Variants in MYO3B observed in about 807,000 individuals in gnomAD.
MYO3B encodes myosin-IIIb.
In MYO3B, 156 loss-of-function variants were observed where a neutral mutation model predicts 174.6. The ratio of observed to expected loss-of-function variants is 0.89; its 90% confidence interval spans 0.78 to 1.02. The LOEUF (loss-of-function observed/expected upper bound fraction) is 1.02. Ranked by LOEUF, MYO3B falls within the 50% of genes least tolerant of loss-of-function variation. The probability of loss-of-function intolerance (pLI) is 0.00; values close to 1 mark genes in which losing one functional copy is unlikely to be tolerated. For synonymous variants in MYO3B, 563 were observed against 569.1 expected (o/e 0.99, Z 0.15); for missense variants, 1,632 against 1,639.4 (o/e 1.00, Z 0.08).
chr2:170,436,006 TC>T (rs2094750717), intron 22 of MYO3B, among the ~76,000 whole-genome samples: 1 of 152,218 alleles, frequency 6.6e-6, no homozygotes, highest in Non-Finnish European at 1.5e-5. Flanking sequence ...TTTTAAAAGT[TC>T]CAGCTCTGTC....
At chr2:170,650,700 T>TTTTG (rs886458096) in intron 32 of MYO3B, among the ~76,000 whole-genome samples, 2 of 115,800 alleles carry the variant, frequency 1.7e-5, no homozygotes, top group East Asian at 2.5e-4. Flanking sequence ...TTTTTTTTTT[T>TTTTG]TGAGATGGAG....
chr2:170,298,574 C>T (rs1250130035), intron 7 of MYO3B, among the ~76,000 whole-genome samples: 2 of 149,764 alleles, frequency 1.3e-5, no homozygotes, highest in Admixed American at 1.4e-4. Flanking sequence ...ACTCAGGAGG[C>T]TGAGACAGAG....
chr2:170,473,549 T>G (rs1685118476), intron 25 of MYO3B, among the ~76,000 whole-genome samples: 1 of 152,200 alleles, frequency 6.6e-6, no homozygotes, highest in African/African-American at 2.4e-5. Flanking sequence ...AGGTTAAGTT[T>G]TCCTTGTACT....
chr2:170,464,105 A>G (rs1382604292), intron 24 of MYO3B, among the ~76,000 whole-genome samples: 1 of 152,148 alleles, frequency 6.6e-6, no homozygotes, highest in East Asian at 1.9e-4. Context: ...TAGTCCCAGC[A>G]TTTTGGGAGG....
At chr2:170,381,215 C>T (rs1574884275) in intron 9 of MYO3B, among the ~76,000 whole-genome samples, 1 of 152,204 alleles carries the variant, frequency 6.6e-6, no homozygotes, top group East Asian at 1.9e-4. Context: ...AAGTATAATA[C>T]TACCCAGTGA....
At chr2:170,465,354 C>G (rs1684557273) in intron 24 of MYO3B, among the ~76,000 whole-genome samples, 1 of 151,950 alleles carries the variant, frequency 6.6e-6, no homozygotes, top group Admixed American at 6.6e-5. Context: ...AGGGGAGATC[C>G]CAGACTCTTT....
chr2:170,335,243 T>C (rs1392135967), intron 7 of MYO3B, 142 bp from the exon 8 acceptor site: 8 of 664,658 alleles, frequency 1.2e-5, no homozygotes, highest in Non-Finnish European at 1.8e-5. Context: ...CACTTTATAA[T>C]CTACCACTAA....
At chr2:170,505,292 A>G (rs1236680400) in intron 28 of MYO3B, among the ~76,000 whole-genome samples, 1 of 152,150 alleles carries the variant, frequency 6.6e-6, no homozygotes, top group Non-Finnish European at 1.5e-5. Context: ...GCAACTCTGC[A>G]TATCACCTTG....
intron 7 of MYO3B, among the ~76,000 whole-genome samples, chr2:170,258,014 A>C (rs554038838): frequency 2.3e-4 from 35 of 152,298 alleles, no homozygotes; most frequent in Middle Eastern, 3.4e-3. Flanking sequence ...AAATTGAATC[A>C]GAAATTAATT....
intron 22 of MYO3B, among the ~76,000 whole-genome samples, chr2:170,435,185 A>G (rs2094743668): frequency 6.6e-6 from 1 of 152,206 alleles, no homozygotes; most frequent in Admixed American, 6.5e-5. Flanking sequence ...AAGCTTTGGC[A>G]ATGTCTTGGA....
At chr2:170,376,626 C>T (rs1249573149) in intron 9 of MYO3B, among the ~76,000 whole-genome samples, 7 of 149,702 alleles carry the variant, frequency 4.7e-5, no homozygotes, top group South Asian at 4.2e-4. Context: ...TGCCTCTATC[C>T]GCAACAAATT....
intron 7 of MYO3B, among the ~76,000 whole-genome samples, chr2:170,287,711 A>C (rs774164058): frequency 6.6e-6 from 1 of 151,958 alleles, no homozygotes; most frequent in Non-Finnish European, 1.5e-5. Context: ...GATTTGCAGA[A>C]GATTTTTAGC....
intron 7 of MYO3B, among the ~76,000 whole-genome samples, chr2:170,258,370 G>T (rs2093320765): frequency 6.6e-6 from 1 of 152,074 alleles, no homozygotes; most frequent in African/African-American, 2.4e-5. Flanking sequence ...ATTACAATCA[G>T]GTAGGCTTTC....
intron 8 of MYO3B, among the ~76,000 whole-genome samples, chr2:170,343,179 AC>A (rs2093990210): frequency 6.6e-6 from 1 of 151,930 alleles, no homozygotes; most frequent in Admixed American, 6.6e-5. Context: ...TAGGCTTACG[AC>A]TGTAATCCTA....
chr2:170,615,433 T>A (rs1449106013), intron 32 of MYO3B, among the ~76,000 whole-genome samples: 1 of 152,210 alleles, frequency 6.6e-6, no homozygotes. Flanking sequence ...AAGAGCTTTC[T>A]AAAGAGGGAA....
chr2:170,380,958 A>G (rs975906595), intron 9 of MYO3B, among the ~76,000 whole-genome samples: 3 of 152,218 alleles, frequency 2.0e-5, no homozygotes, highest in African/African-American at 7.2e-5. Context: ...TCTACAAAAA[A>G]TAATTTTAAA....
chr2:170,634,769 A>T (rs1280496310), intron 32 of MYO3B, among the ~76,000 whole-genome samples: 1 of 152,252 alleles, frequency 6.6e-6, no homozygotes, highest in East Asian at 1.9e-4. Flanking sequence ...AAACAAATTT[A>T]CAAGAAAAAA....
intron 27 of MYO3B, 56 bp from the exon 28 acceptor site, chr2:170,501,729 T>C: frequency 8.1e-7 from 1 of 1,228,086 alleles, no homozygotes; most frequent in Middle Eastern, 1.9e-4. Flanking sequence ...TTATATCAAT[T>C]CTCTGGCACG....
intron 25 of MYO3B, among the ~76,000 whole-genome samples, chr2:170,479,408 A>T (rs2106005889): frequency 6.8e-6 from 1 of 146,720 alleles, no homozygotes; most frequent in African/African-American, 2.5e-5. Flanking sequence ...TATATCTATT[A>T]TATAGATGTG....
Sources: gnomAD v4.1 joint callset for allele counts (sites outside exome capture counted in the v4.1 genomes callset) on GRCh38, gnomAD v4.1.1 for gene constraint, MANE v1.5 for transcripts, NCBI Gene and HGNC (gene_info 2026-07-23, HGNC 2026-07-21) for gene names.